Variants in PSMG4 observed in about 807,000 individuals in gnomAD.
PSMG4 encodes the protein proteasome assembly chaperone 4.
In PSMG4, 10 loss-of-function variants were observed where a neutral mutation model predicts 11.0. The observed-to-expected ratio is 0.91, with a 90% CI of 0.56 to 1.54. The LOEUF (loss-of-function observed/expected upper bound fraction) is 1.54, where lower values mean the gene tolerates loss of function less well. Ranked by LOEUF, PSMG4 falls within the 40% of genes most tolerant of loss-of-function variation. The pLI is 0.00. For missense variants in PSMG4, 198 were observed against 160.9 expected (o/e 1.23, Z -1.25); for synonymous variants, 95 against 71.3 (o/e 1.33, Z -1.68).
upstream of PSMG4, among the ~76,000 whole-genome samples, chr6:3,257,295 G>C (rs150928506): frequency 6.6e-6 from 1 of 152,156 alleles, no homozygotes; most frequent in Non-Finnish European, 1.5e-5. Context: ...ATGACTGGCT[G>C]TGACCCTCTG....
At chr6:3,262,070 G>A (rs1192782974) in intron 1 of PSMG4, among the ~76,000 whole-genome samples, 1 of 152,128 alleles carries the variant, frequency 6.6e-6, no homozygotes, top group East Asian at 1.9e-4. Flanking sequence ...GGGATTTTTG[G>A]TGCCCAGAGA....
At chr6:3,254,953 GT>G, upstream of PSMG4, 3 of 1,338,036 alleles carry the variant, frequency 2.2e-6, no homozygotes, top group Non-Finnish European at 3.0e-6. Flanking sequence ...CAGCTGTTGG[GT>G]GTTGCAGAGC....
At chr6:3,264,101 G>A in intron 2 of PSMG4, 1 of 1,499,752 alleles carries the variant, frequency 6.7e-7, no homozygotes, top group Non-Finnish European at 8.9e-7. Context: ...CCTGTGGGTG[G>A]TGGCTCAAGG....
upstream of PSMG4, among the ~76,000 whole-genome samples, chr6:3,254,448 C>A (rs72847860): frequency 1.3e-5 from 1 of 74,962 alleles, no homozygotes; most frequent in Non-Finnish European, 4.0e-5. Context: ...TAATAGTTTT[C>A]TGCTTTTTTT....
Position 3,259,022 on chromosome 6 carries a change from C to T in PSMG4, c.-1C>T, listed in dbSNP as rs1334188802. 1 of 1,247,238 alleles carries T rather than the reference C, an allele frequency of 8.0e-7. No individual in the cohort carries two copies. The highest frequency in any genetic ancestry group is 1.0e-6 in the Non-Finnish European group (1 of 995,078). The allele number at this position is 1,247,238 out of a possible 1,614,324, so 77.3% of individuals were successfully genotyped here. On this transcript the variant is annotated 5_prime_UTR_variant, in exon 1 of 3. Coordinates refer to ENST00000438998, the MANE Select transcript of PSMG4 (RefSeq NM_001128591.2). Reference sequence around the variant, plus strand: ...CTGTGGGCCGGGAGCCGTGGGGCGGCATGGAGGGGCTGGTTGTCGCCGCCG... The same window carrying T: ...CTGTGGGCCGGGAGCCGTGGGGCGGTATGGAGGGGCTGGTTGTCGCCGCCG...
upstream of PSMG4, chr6:3,255,352 C>CT: frequency 1.4e-6 from 2 of 1,447,926 alleles, no homozygotes; most frequent in Non-Finnish European, 9.1e-7. Flanking sequence ...TATGTAGTTG[C>CT]TTAATTTTTC....
At chr6:3,256,366 T>TA (rs1757765826), upstream of PSMG4, among the ~76,000 whole-genome samples, 2 of 152,316 alleles carry the variant, frequency 1.3e-5, no homozygotes, top group Middle Eastern at 3.4e-3. Context: ...AGGACTCCCT[T>TA]TATTTTCTGT....
intron 1 of PSMG4, among the ~76,000 whole-genome samples, chr6:3,259,989 G>C (rs1757916402): frequency 6.6e-6 from 1 of 152,068 alleles, no homozygotes; most frequent in Non-Finnish European, 1.5e-5. Flanking sequence ...ACCCAGGCTG[G>C]GGTACAGTGT....
chr6:3,258,724 C>T (rs959264034), upstream of PSMG4, among the ~76,000 whole-genome samples: 1 of 152,128 alleles, frequency 6.6e-6, no homozygotes, highest in Non-Finnish European at 1.5e-5. Flanking sequence ...GTCACTGTCG[C>T]ACTCTGCTAC....
intron 1 of PSMG4, among the ~76,000 whole-genome samples, chr6:3,260,197 G>A (rs990664835): frequency 8.4e-5 from 6 of 71,322 alleles, no homozygotes; most frequent in African/African-American, 1.9e-4. Flanking sequence ...CTTCCTCAGT[G>A]AGCCCGACTC....
chr6:3,259,418 G>A (rs536062333), intron 1 of PSMG4, among the ~76,000 whole-genome samples: 2 of 152,346 alleles, frequency 1.3e-5, no homozygotes, highest in South Asian at 4.1e-4. Flanking sequence ...CCGCCGCCCC[G>A]CAGCTGCGTC....
At chr6:3,257,804 T>C (rs1040161696), upstream of PSMG4, among the ~76,000 whole-genome samples, 1 of 152,222 alleles carries the variant, frequency 6.6e-6, no homozygotes, top group East Asian at 1.9e-4. Flanking sequence ...ATGATTTCAC[T>C]GGCTATAACG....
upstream of PSMG4, chr6:3,255,303 A>G (rs1757723437): frequency 1.3e-6 from 2 of 1,520,300 alleles, no homozygotes; most frequent in East Asian, 2.5e-5. Context: ...ATCCTGGGAG[A>G]GTGGTGGATG....
At chr6:3,266,194 C>T (rs1396721415) in intron 2 of PSMG4, 1 of 152,154 alleles carries the variant, frequency 6.6e-6, no homozygotes, top group Non-Finnish European at 1.5e-5. Flanking sequence ...GTTTCCAGGC[C>T]ACGGTGGGGC....
chr6:3,258,523 C>G (rs148286395), upstream of PSMG4, among the ~76,000 whole-genome samples: 1,155 of 152,232 alleles, frequency 7.6e-3, 19 homozygotes, highest in African/African-American at 0.026. Context: ...TCTCAGAGTG[C>G]TTGAAGAACT....
In PSMG4 at chr6:3,267,413, T is replaced by C. The variant is rs375491387; in HGVS notation, c.251-178T>C. Reference sequence around the variant, plus strand: ...TCTGGTGGAGAGACTGGGAGAGGCCTGAGTGACTCGTCTGCATTTGCAGCA... The same window carrying C: ...TCTGGTGGAGAGACTGGGAGAGGCCCGAGTGACTCGTCTGCATTTGCAGCA... On this transcript the variant is annotated intron_variant, in intron 2 of 2. Transcript: ENST00000438998. 5.2e-4 allele frequency: 296 copies of C among 573,226 alleles called. 1 individual carries two copies. The highest frequency in any genetic ancestry group is 5.0e-3 in the African/African-American group (264 of 52,786). 35.5% of individuals were successfully genotyped at this position (573,226 alleles called of 1,614,324 possible). A position where few individuals can be genotyped will look rare whatever the true frequency, so the allele number is the denominator to read the frequency against.
upstream of PSMG4, chr6:3,255,095 T>G (rs991431248): frequency 2.8e-5 from 44 of 1,550,926 alleles, no homozygotes; most frequent in Admixed American, 3.7e-4. Flanking sequence ...AGAAGTTGGC[T>G]GCATAGGAGC....
At chr6:3,256,813 G>A (rs995013547), upstream of PSMG4, among the ~76,000 whole-genome samples, 24 of 152,186 alleles carry the variant, frequency 1.6e-4, no homozygotes, top group Non-Finnish European at 3.1e-4. Flanking sequence ...GTTATTGTAT[G>A]TGGGCTGCCA....
In PSMG4 at chr6:3,260,289, ATATT is replaced by A. The variant is rs1336046235; in HGVS notation, c.174+1095_174+1098del. On this transcript the variant is annotated intron_variant, in intron 1 of 2. Transcript: ENST00000438998. ...CTTGTCTTAAATTGTATATATATATATATTTTTTTTTTTTTTTTTTGAAGCAAAG... is the reference window on the plus strand; with the variant it reads ...CTTGTCTTAAATTGTATATATATATATTTTTTTTTTTTTTTTGAAGCAAAG... Among the ~76,000 whole-genome samples the A allele has an allele frequency of 1.1e-3, 33 of 31,070 alleles. 1 individual carries two copies. Among genetic ancestry groups the A allele is most frequent in the African/African-American group, 3.6e-3 (31 of 8,582 alleles). 20.4% of individuals were successfully genotyped at this position (31,070 alleles called of 152,430 possible).
Sources: allele counts gnomAD v4.1 joint callset (sites outside exome capture counted in the v4.1 genomes callset), GRCh38; gene constraint gnomAD v4.1.1; transcripts MANE v1.5; gene names NCBI Gene and HGNC (gene_info 2026-07-23, HGNC 2026-07-21).